SUCLG2: variants seen among roughly 807,000 people sequenced by gnomAD.
SUCLG2 encodes succinate-CoA ligase GDP-forming subunit beta.
Under a neutral mutation model 47.9 loss-of-function variants are expected in SUCLG2, and 42 were observed. The observed-to-expected ratio is 0.88, with a 90% CI of 0.69 to 1.14. SUCLG2 has a LOEUF of 1.14. Ranked by LOEUF, SUCLG2 falls within the 50% of genes most tolerant of loss-of-function variation. The pLI is 0.00. For synonymous variants in SUCLG2, 195 were observed against 197.3 expected, an observed-to-expected ratio of 0.99 and a Z score of 0.10; for missense variants, 571 against 525.9, an observed-to-expected ratio of 1.09 and a Z score of -0.84.
intron 2 of SUCLG2, among the ~76,000 whole-genome samples, chr3:67,587,955 C>T (rs778857870): frequency 4.6e-5 from 7 of 152,144 alleles, no homozygotes; most frequent in Non-Finnish European, 7.4e-5. Flanking sequence ...CTAAAACAAA[C>T]CACTTAAAAT....
intron 4 of SUCLG2, among the ~76,000 whole-genome samples, chr3:67,521,821 T>C (rs1442616003): frequency 6.6e-6 from 1 of 151,894 alleles, no homozygotes; most frequent in African/African-American, 2.4e-5. Context: ...GGATTCACCA[T>C]GTTGGCCAGG....
intron 2 of SUCLG2, among the ~76,000 whole-genome samples, chr3:67,542,447 A>G (rs1706744716): frequency 6.6e-6 from 1 of 152,232 alleles, no homozygotes; most frequent in Non-Finnish European, 1.5e-5. Context: ...ACCAGCTAGC[A>G]TCATAACAAC....
At chr3:67,482,571 T>C (rs1704945683) in intron 9 of SUCLG2, among the ~76,000 whole-genome samples, 1 of 152,218 alleles carries the variant, frequency 6.6e-6, no homozygotes. Context: ...ATTAACTATT[T>C]GGTCGTTCAG....
At chr3:67,586,938 C>T (rs1403620134) in intron 2 of SUCLG2, among the ~76,000 whole-genome samples, 1 of 152,178 alleles carries the variant, frequency 6.6e-6, no homozygotes, top group Non-Finnish European at 1.5e-5. Flanking sequence ...CTATCCTCCT[C>T]CTGCTCCTCC....
chr3:67,533,717 C>T (rs1445875452), intron 2 of SUCLG2, among the ~76,000 whole-genome samples: 4 of 152,062 alleles, frequency 2.6e-5, no homozygotes, highest in Non-Finnish European at 4.4e-5. Context: ...GACTTCAGAA[C>T]CCAAACATAA....
rs1037942032 is a variant in SUCLG2 at position 67,572,820 on chromosome 3, G to A, written c.226+36635C>T. ...GGTAGTAGAGGTTGAGCCACTGCAA[G>A]CAGGCAAGGAAGGAAAAAAAAAGGC... is the stretch of plus-strand genomic sequence containing the variant. On this transcript the variant is annotated intron_variant, in intron 2 of 10. Coordinates refer to ENST00000307227, the MANE Select transcript of SUCLG2 (RefSeq NM_003848.4). Among the ~76,000 whole-genome samples the A allele has an allele frequency of 4.6e-5, 7 of 151,452 alleles. No homozygotes were observed. In the East Asian group the frequency reaches 1.4e-3, roughly 29 times the overall value.
intron 9 of SUCLG2, among the ~76,000 whole-genome samples, chr3:67,401,450 T>C (rs1415200861): frequency 6.6e-6 from 1 of 152,028 alleles, no homozygotes; most frequent in Admixed American, 6.6e-5. Context: ...TCCAAGCTTA[T>C]AGCATAAGTA....
intron 7 of SUCLG2, among the ~76,000 whole-genome samples, chr3:67,507,330 T>C (rs748971062): frequency 2.6e-5 from 4 of 152,192 alleles, no homozygotes; most frequent in Non-Finnish European, 4.4e-5. Context: ...ATAAAATCTT[T>C]GCTTGTTCTC....
intron 7 of SUCLG2, among the ~76,000 whole-genome samples, chr3:67,504,370 G>C (rs959987960): frequency 1.3e-5 from 2 of 152,106 alleles, no homozygotes; most frequent in Non-Finnish European, 2.9e-5. Flanking sequence ...AAGAAGCAAC[G>C]GGGTGGTTAT....
In SUCLG2 at chr3:67,508,895, A is replaced by C; in HGVS notation, c.669T>G (p.Asp223Glu). ...AGAGATTATACAGCTTCGTAATTTG[A>C]TCTGCAGCCTAAATGTGATCAAGTG... ...FVGPLKSQAA[D>E]QITKLYNLFL... Residue 223 changes from aspartate (D) to glutamate (E), a missense_variant, in exon 7 of 11, where the codon GAT (aspartate) becomes GAG (glutamate). Coordinates refer to ENST00000307227, the MANE Select transcript of SUCLG2 (RefSeq NM_003848.4). 1 of 1,608,924 alleles carries C rather than the reference A, an allele frequency of 6.2e-7. No homozygotes were observed. Among genetic ancestry groups the C allele is most frequent in the Non-Finnish European group, 8.5e-7 (1 of 1,178,012 alleles).
chr3:67,646,130 A>T (rs1701187832), intron 1 of SUCLG2, among the ~76,000 whole-genome samples: 1 of 148,548 alleles, frequency 6.7e-6, no homozygotes, highest in South Asian at 2.2e-4. Context: ...GGAGGGGAGA[A>T]TATGGTGCCC....
At position 67,552,855 on chromosome 3, in the gene SUCLG2, A is replaced by G. The variant is rs548953219; in HGVS notation, c.227-23669T>C. Among the ~76,000 whole-genome samples, 143 of 152,280 alleles carry G rather than the reference A, an allele frequency of 9.4e-4. 1 individual carries two copies. Among genetic ancestry groups the G allele is most frequent in the Admixed American group, 1.7e-3 (26 of 15,294 alleles). ...CCTTAAATTATCTGATTTGGCCCCA[A>G]ATCATTTGTAAGCTATTTCAGCAGT... On this transcript the variant is annotated intron_variant, in intron 2 of 10. Transcript: ENST00000307227.
At chr3:67,614,743 A>G (rs1700593882) in intron 1 of SUCLG2, among the ~76,000 whole-genome samples, 1 of 152,078 alleles carries the variant, frequency 6.6e-6, no homozygotes, top group African/African-American at 2.4e-5. Context: ...TTCAAGATAT[A>G]AAGGGACCAC....
intron 10 of SUCLG2, among the ~76,000 whole-genome samples, chr3:67,396,735 A>G (rs1485098741): frequency 1.3e-5 from 2 of 152,306 alleles, no homozygotes; most frequent in Admixed American, 1.3e-4. Context: ...AGAATTTTAG[A>G]CCAACGTTCT....
chr3:67,402,603 G>A (rs567787033), intron 9 of SUCLG2, among the ~76,000 whole-genome samples: 3 of 152,312 alleles, frequency 2.0e-5, no homozygotes, highest in African/African-American at 7.2e-5. Flanking sequence ...GGATGGAGAG[G>A]AACTTGCCAG....
chr3:67,375,897 A>G (rs754688850), intron 10 of SUCLG2, 38 bp from the exon 11 acceptor site: 11 of 1,599,776 alleles, frequency 6.9e-6, no homozygotes, highest in Non-Finnish European at 9.4e-6. Flanking sequence ...GAATGAAACT[A>G]GAGGTGGCGC....
rs184673716 is a variant in SUCLG2 at position 67,643,679 on chromosome 3, C to T, written c.84+10824G>A. ...TAATTGCCCATTTCTCATCAGTCTCCAACAAATGAGACTGTAGGTTCCTTA... is the reference window on the plus strand; with the variant it reads ...TAATTGCCCATTTCTCATCAGTCTCTAACAAATGAGACTGTAGGTTCCTTA... On this transcript the variant is annotated intron_variant, in intron 1 of 10. Transcript: ENST00000307227. Among the ~76,000 whole-genome samples, 4 of 152,284 alleles carry T rather than the reference C, an allele frequency of 2.6e-5. No homozygotes were observed. In the East Asian group the frequency reaches 5.8e-4, roughly 22 times the overall value.
chr3:67,415,193 G>A (rs978043930), intron 9 of SUCLG2, among the ~76,000 whole-genome samples: 4 of 152,020 alleles, frequency 2.6e-5, no homozygotes, highest in Admixed American at 6.6e-5. Context: ...TGAAATATTC[G>A]AATGGAAAAC....
chr3:67,599,636 T>C (rs1197501433), intron 2 of SUCLG2, among the ~76,000 whole-genome samples: 1 of 151,608 alleles, frequency 6.6e-6, no homozygotes, highest in Non-Finnish European at 1.5e-5. Flanking sequence ...ACTGTTATTT[T>C]CCCCCTGTTA....
Sources: allele counts gnomAD v4.1 joint callset (sites outside exome capture counted in the v4.1 genomes callset), GRCh38; gene constraint gnomAD v4.1.1; transcripts MANE v1.5; gene names NCBI Gene and HGNC (gene_info 2026-07-23, HGNC 2026-07-21).